Variants in SEC16A observed in about 807,000 individuals in gnomAD.
The protein encoded by SEC16A is SEC16 homolog A, endoplasmic reticulum export factor, also known as protein transport protein Sec16A.
Under a neutral mutation model 221.9 loss-of-function variants are expected in SEC16A, and 110 were observed. The observed-to-expected ratio is 0.50, with a 90% CI of 0.42 to 0.58. SEC16A has a LOEUF of 0.58. SEC16A is among the 20% of genes least tolerant of loss of function. The probability of loss-of-function intolerance (pLI) is 0.00; values close to 1 mark genes in which losing one functional copy is unlikely to be tolerated. For synonymous variants in SEC16A, 1,393 were observed against 1,257.7 expected, an observed-to-expected ratio of 1.11 and a Z score of -2.28; for missense variants, 3,165 against 3,097.8, an observed-to-expected ratio of 1.02 and a Z score of -0.52.
rs746064192 is a variant in SEC16A, at chr9:136,474,062, G to A, written c.3554C>T (p.Ser1185Phe). Reference protein sequence around the residue: ...LPYPPEPGAASLYYQDVYSLY... With the variant: ...LPYPPEPGAAFLYYQDVYSLY... ...CTCGACTCTTACCTGGTAATAGAGGGAGGCTGCGCCAGGCTCCGGTGGGTA... is the reference window on the plus strand; with the variant it reads ...CTCGACTCTTACCTGGTAATAGAGGAAGGCTGCGCCAGGCTCCGGTGGGTA... The change falls in exon 3 of 32, where the codon TCC becomes TTC. Residue 1185 changes from serine to phenylalanine, a missense_variant. This residue lies in a region of SEC16A where 2,030 missense variants were observed against 1,923.1 expected (regional missense o/e 1.06). Transcript: ENST00000684901. 1.2e-6 allele frequency: 2 copies of A among 1,603,274 alleles called. No homozygotes were observed. The highest frequency in any genetic ancestry group is 1.7e-6 in the Non-Finnish European group (2 of 1,173,606).
At chr9:136,483,665 A>G, upstream of SEC16A, 2 of 985,600 alleles carry the variant, frequency 2.0e-6, no homozygotes, top group South Asian at 9.4e-5. Context: ...GCGGGAAATC[A>G]GTCTGCAGGA....
upstream of SEC16A, chr9:136,483,712 T>C (rs531257539): frequency 1.5e-4 from 145 of 985,412 alleles, 2 homozygotes; most frequent in African/African-American, 2.4e-3. Flanking sequence ...GAACGGCTAC[T>C]CCGCCCAGCT....
chr9:136,447,929 A>C lies in SEC16A; in HGVS notation c.6391-20T>G. The C allele has an allele frequency of 6.3e-7, 1 of 1,598,226 alleles. No individual in the cohort carries two copies. The highest frequency in any genetic ancestry group is 8.5e-7 in the Non-Finnish European group (1 of 1,171,112). On this transcript the variant is annotated intron_variant, in intron 24 of 31. Coordinates refer to ENST00000684901, the MANE Select transcript of SEC16A (RefSeq NM_014866.2). The surrounding 1 kb of genome is among the most constrained non-coding windows in gnomAD (Gnocchi z 5.5). The stretch of plus-strand genomic sequence containing the variant: ...AACAATCTGCCAAGATTTTAAAAAG[A>C]AAAAAGGTCAGCAGACTGAACCTAA...
intron 23 of SEC16A, among the ~76,000 whole-genome samples, chr9:136,450,677 G>A (rs1405954362): frequency 6.6e-6 from 1 of 152,118 alleles, no homozygotes; most frequent in Non-Finnish European, 1.5e-5. Flanking sequence ...TGAAGATGAG[G>A]GATATCCAGG....
rs1837168279 is a variant in SEC16A, at chr9:136,447,466, T to C, written c.6560-102A>G. 1.3e-6 allele frequency: 2 copies of C among 1,557,324 alleles called. No homozygotes were observed. Reference sequence around the variant, plus strand: ...GTCAGAGGAAAAGCACGCAGGGACGTGCGGGAAGCCACCTCCTCCCCACGC... The same window carrying C: ...GTCAGAGGAAAAGCACGCAGGGACGCGCGGGAAGCCACCTCCTCCCCACGC... On this transcript the variant is annotated intron_variant, in intron 26 of 31. Coordinates refer to ENST00000684901, the MANE Select transcript of SEC16A (RefSeq NM_014866.2). This position sits in a 1 kb window ranked among gnomAD's most constrained non-coding sequence, Gnocchi z 5.5.
intron 20 of SEC16A, 42 bp from the exon 21 acceptor site, chr9:136,454,369 G>T: frequency 6.6e-7 from 1 of 1,516,376 alleles, no homozygotes; most frequent in Non-Finnish European, 9.0e-7. Flanking sequence ...GTTACTGAGG[G>T]TAGCTTGAGT....
chr9:136,459,163 C>A lies in SEC16A; in HGVS notation c.5380G>T (p.Ala1794Ser). 1 of 1,612,302 alleles carries A rather than the reference C, an allele frequency of 6.2e-7. No homozygotes were observed. The highest frequency in any genetic ancestry group is 1.7e-4 in the Middle Eastern group (1 of 6,058). Residue 1794 changes from alanine to serine, a missense_variant, in exon 17 of 32, where the codon GCC (alanine) becomes TCC (serine). Coordinates refer to ENST00000684901, the MANE Select transcript of SEC16A (RefSeq NM_014866.2). This position sits in a 1 kb window ranked among gnomAD's most constrained non-coding sequence, Gnocchi z 6.1. ...EAYEYAQSLGAETCPLPSFQV... is the reference protein window; with the variant it reads ...EAYEYAQSLGSETCPLPSFQV... ...AAACTAGGCAGGGGGCAGGTCTCGG[C>A]ACCCAGGGACTGGGCGTACTCATAG... is the stretch of plus-strand genomic sequence containing the variant.
chr9:136,466,395 C>G lies in SEC16A; in HGVS notation c.3997G>C (p.Asp1333His), dbSNP rs779662133. Residue 1333 changes from aspartate to histidine, a missense_variant, in exon 7 of 32, where the codon GAT becomes CAT. Asp to His is a moderately conservative substitution (Grantham distance 81, BLOSUM62 -1). Around this residue, in one of 3 missense-constraint regions of SEC16A, gnomAD observed 2,030 missense variants for 1,923.1 expected, o/e 1.06. Transcript: ENST00000684901. The surrounding 1 kb of genome is among the most constrained non-coding windows in gnomAD (Gnocchi z 5.5). ...RFTGSFDDDP[D>H]PHRDPYGEEV... is the part of the protein sequence containing the mutation. Reference sequence around the variant, plus strand: ...TCCCCATAAGGGTCTCTGTGCGGATCGGGGTCATCGTCAAAACTCCCCGTG... The same window carrying G: ...TCCCCATAAGGGTCTCTGTGCGGATGGGGGTCATCGTCAAAACTCCCCGTG... 5.0e-6 allele frequency: 8 copies of G among 1,604,306 alleles called. No homozygotes were observed. The Admixed American group carries it at 6.8e-5, about 14-fold the overall frequency.
chr9:136,453,766 G>C (rs990699051), intron 21 of SEC16A, among the ~76,000 whole-genome samples: 3 of 152,222 alleles, frequency 2.0e-5, no homozygotes, highest in African/African-American at 7.2e-5. Context: ...ACCAAATCGA[G>C]TTCCAGACAG....
Position 136,475,821 on chromosome 9 carries a change from G to A in SEC16A, c.1795C>T (p.Pro599Ser). The change falls in exon 3 of 32, where the codon CCT becomes TCT. Residue 599 changes from proline (P) to serine (S), a missense_variant. By Grantham distance (74) the Pro-to-Ser change is moderately conservative. This residue lies in a region of SEC16A where 2,030 missense variants were observed against 1,923.1 expected (regional missense o/e 1.06). Transcript: ENST00000684901. The surrounding 1 kb of genome is among the most constrained non-coding windows in gnomAD (Gnocchi z 5.0). ...GCACTTGTCTGAAATATTCCTGTAG[G>A]TTTCGGGGGGCTCGGGGTTGAGGGC... is the stretch of plus-strand genomic sequence containing the variant. The part of the protein sequence containing the change: ...SQPSTPSPPK[P>S]TGIFQTSANS... 1.3e-6 allele frequency: 2 copies of A among 1,581,814 alleles called. No individual in the cohort carries two copies. Among genetic ancestry groups the A allele is most frequent in the Non-Finnish European group, 1.7e-6 (2 of 1,163,704 alleles).
In SEC16A at chr9:136,475,027, C is replaced by A. The variant is rs1589002697; in HGVS notation, c.2589G>T (p.Leu863Phe). 6.2e-7 allele frequency: 1 copy of A among 1,613,734 alleles called. No homozygotes were observed. The highest frequency in any genetic ancestry group is 2.2e-5 in the East Asian group (1 of 44,862). The change falls in exon 3 of 32, where the codon TTG becomes TTT. Residue 863 changes from leucine (L) to phenylalanine (F), a missense_variant. Physicochemically the swap from Leu to Phe is conservative, Grantham distance 22. Coordinates refer to ENST00000684901, the MANE Select transcript of SEC16A (RefSeq NM_014866.2). The surrounding 1 kb of genome is among the most constrained non-coding windows in gnomAD (Gnocchi z 5.0). ...TGCTGACTGCAGGTCTATCCCCCACCAAAGCCTCTCTCCAGGACTGATTCT... is the reference window on the plus strand; with the variant it reads ...TGCTGACTGCAGGTCTATCCCCCACAAAAGCCTCTCTCCAGGACTGATTCT... Reference protein sequence around the residue: ...HEKNQSWREALVGDRPAVSSW... With the variant: ...HEKNQSWREAFVGDRPAVSSW...
intron 31 of SEC16A, 106 bp downstream of exon 31, chr9:136,443,717 G>C (rs1250773015): frequency 4.0e-6 from 3 of 747,740 alleles, no homozygotes; most frequent in African/African-American, 3.6e-5. Context: ...TTTTTAAAAA[G>C]AAAGAAAAAG....
chr9:136,459,649 G>T lies in SEC16A; in HGVS notation c.5192-94C>A. 1 of 1,353,942 alleles carries T rather than the reference G, an allele frequency of 7.4e-7. No homozygotes were observed. Among genetic ancestry groups the T allele is most frequent in the Non-Finnish European group, 1.0e-6 (1 of 973,566 alleles). The allele number at this position is 1,353,942 out of a possible 1,614,324, so 83.9% of individuals were successfully genotyped here. ...CGCACAGAAGGCACCAGAGACGCCA[G>T]CCGGACCGAGAAGGCCGGGTTCTGG... On this transcript the variant is annotated intron_variant, in intron 15 of 31. Coordinates refer to ENST00000684901, the MANE Select transcript of SEC16A (RefSeq NM_014866.2). This position sits in a 1 kb window ranked among gnomAD's most constrained non-coding sequence, Gnocchi z 6.1.
chr9:136,484,257 G>C (rs1217656406), upstream of SEC16A: 1 of 709,840 alleles, frequency 1.4e-6, no homozygotes, highest in African/African-American at 2.0e-5. Context: ...GAGTGGGCCC[G>C]GGCGCTCGGG....
upstream of SEC16A, chr9:136,483,095 C>T: frequency 1.1e-6 from 1 of 875,436 alleles, no homozygotes; most frequent in Non-Finnish European, 1.4e-6. Context: ...ACGACATCAG[C>T]GCGCGCCCCG....
intron 1 of SEC16A, among the ~76,000 whole-genome samples, chr9:136,480,953 T>C (rs976648623): frequency 6.6e-6 from 1 of 152,062 alleles, no homozygotes; most frequent in African/African-American, 2.4e-5. Flanking sequence ...CATTATCACT[T>C]ACAAGGAGCA....
Position 136,443,871 on chromosome 9 carries a change from G to A in SEC16A, c.6957C>T (p.Gly2319=). The A allele has an allele frequency of 6.2e-7, 1 of 1,611,002 alleles. No individual in the cohort carries two copies. The highest frequency in any genetic ancestry group is 1.1e-5 in the South Asian group (1 of 90,708). ...AGAAGGGCATGGCCCCGCTGGGAGGGCCCCCTGCAGCAGGGAGGTCGCCAG... is the reference window on the plus strand; with the variant it reads ...AGAAGGGCATGGCCCCGCTGGGAGGACCCCCTGCAGCAGGGAGGTCGCCAG... The part of the protein sequence containing the change: ...QAPGDLPAAG[G]PPSGAMPFYN... Residue 2319 remains glycine, a synonymous_variant, in exon 31 of 32, where the codon GGC becomes GGT. Transcript: ENST00000684901.
upstream of SEC16A, chr9:136,484,158 G>C (rs753783414): frequency 1.6e-4 from 29 of 183,518 alleles, no homozygotes; most frequent in Non-Finnish European, 2.5e-4. Context: ...GTCCTCCCGG[G>C]GAGGTGCGGC....
intron 5 of SEC16A, among the ~76,000 whole-genome samples, chr9:136,468,026 G>A (rs535732981): frequency 2.6e-4 from 39 of 152,336 alleles, no homozygotes; most frequent in Non-Finnish European, 4.6e-4. Context: ...CAGGAGTGCG[G>A]GAAACACGGC....
Sources: gnomAD v4.1 joint callset for allele counts (sites outside exome capture counted in the v4.1 genomes callset) on GRCh38, gnomAD v4.1.1 for gene constraint, gnomAD v4.1.1 regional missense constraint, Gnocchi (gnomAD v3.1) non-coding constraint, MANE v1.5 for transcripts, NCBI Gene and HGNC (gene_info 2026-07-23, HGNC 2026-07-21) for gene names.